Variants in LRP5 observed in about 807,000 individuals in gnomAD.
LRP5 encodes low-density lipoprotein receptor-related protein 5.
In LRP5, 62 loss-of-function variants were observed where a neutral mutation model predicts 154.1. The observed-to-expected ratio is 0.40, with a 90% confidence interval of 0.33 to 0.50. The LOEUF (loss-of-function observed/expected upper bound fraction) is 0.50, where lower values mean the gene tolerates loss of function less well. Ranked by LOEUF, LRP5 falls within the 20% of genes least tolerant of loss-of-function variation. LRP5 has a pLI of 0.55. For missense variants in LRP5, 1,915 were observed against 2,336.7 expected, an observed-to-expected ratio of 0.82 and a Z score of 3.72; for synonymous variants, 966 against 1,011.5, an observed-to-expected ratio of 0.96 and a Z score of 0.85.
At chr11:68,422,730 C>T (rs1565099990) in intron 13 of LRP5, among the ~76,000 whole-genome samples, 1 of 152,006 alleles carries the variant, frequency 6.6e-6, no homozygotes, top group African/African-American at 2.4e-5. Context: ...ATTCCCCACA[C>T]TCACCTGCCC....
upstream of LRP5, among the ~76,000 whole-genome samples, chr11:68,312,249 G>C (rs1394848292): frequency 6.6e-6 from 1 of 152,080 alleles, no homozygotes; most frequent in Non-Finnish European, 1.5e-5. Context: ...CCCTGAAACT[G>C]CCTCGCTGTG....
intron 5 of LRP5, among the ~76,000 whole-genome samples, chr11:68,373,549 G>A (rs570455306): frequency 2.2e-4 from 34 of 152,188 alleles, no homozygotes; most frequent in African/African-American, 6.3e-4. Context: ...AGCCTCTGCC[G>A]CCCAGCGTGG....
intron 1 of LRP5, among the ~76,000 whole-genome samples, chr11:68,346,261 A>G (rs2098612829): frequency 6.6e-6 from 1 of 152,184 alleles, no homozygotes; most frequent in Non-Finnish European, 1.5e-5. Context: ...AGAACTGTAG[A>G]CCTAAGATGA....
intron 7 of LRP5, among the ~76,000 whole-genome samples, chr11:68,396,229 A>G (rs1052803077): frequency 6.6e-6 from 1 of 152,138 alleles, no homozygotes; most frequent in South Asian, 2.1e-4. Flanking sequence ...GGGAGGAGAC[A>G]CATTTGGAAC....
In LRP5 at chr11:68,430,332, C is replaced by T. The variant is rs2098671219; in HGVS notation, c.3763+632C>T. On this transcript the variant is annotated intron_variant, in intron 17 of 22. Transcript: ENST00000294304. ...GGGATTACAGGTGCACGCCACCATA[C>T]CCAGCTAATTTTTGTATTTTTAGTA... is the stretch of plus-strand genomic sequence containing the variant. Among the ~76,000 whole-genome samples, 4 of 152,270 alleles carry T rather than the reference C, an allele frequency of 2.6e-5. No homozygotes were observed. The South Asian group carries it at 8.3e-4, about 32-fold the overall frequency.
At chr11:68,348,357 T>C (rs1476196580) in intron 2 of LRP5, 114 bp downstream of exon 2, 1 of 1,398,556 alleles carries the variant, frequency 7.2e-7, no homozygotes, top group Non-Finnish European at 9.8e-7. Flanking sequence ...ACTCTGAAAA[T>C]GAACCCGTGG....
At position 68,386,708 on chromosome 11, in the gene LRP5, A is replaced by T. The variant is rs776956543; in HGVS notation, c.1408A>T (p.Met470Leu). ...EPRAIALHPV[M>L]GLMYWTDWGE... The stretch of plus-strand genomic sequence containing the variant: ...CCGAGCCATCGCACTGCACCCCGTG[A>T]TGGGGTAAGACGGGCGGGGGCTGGG... Residue 470 changes from methionine (M) to leucine (L), a missense_variant, in exon 6 of 23, where the codon ATG becomes TTG. By Grantham distance (15) the Met-to-Leu change is conservative. This residue lies in a region of LRP5 where 773 missense variants were observed against 1,100.9 expected (regional missense o/e 0.70). Coordinates refer to ENST00000294304, the MANE Select transcript of LRP5 (RefSeq NM_002335.4). This position sits in a 1 kb window ranked among gnomAD's most constrained non-coding sequence, Gnocchi z 7.9. 6.2e-7 allele frequency: 1 copy of T among 1,612,810 alleles called. No individual in the cohort carries two copies. Among genetic ancestry groups the T allele is most frequent in the Non-Finnish European group, 8.5e-7 (1 of 1,179,744 alleles).
intron 5 of LRP5, among the ~76,000 whole-genome samples, chr11:68,370,267 G>A (rs543297649): frequency 2.0e-5 from 3 of 152,242 alleles, no homozygotes; most frequent in East Asian, 1.9e-4. Flanking sequence ...AGGGCATTGC[G>A]CTCCTTCTGC....
intron 13 of LRP5, among the ~76,000 whole-genome samples, chr11:68,422,941 G>A (rs1040870670): frequency 6.6e-6 from 1 of 151,992 alleles, no homozygotes; most frequent in African/African-American, 2.4e-5. Context: ...CCTTCCGTTG[G>A]GGAAGGGGTT....
chr11:68,312,781 TG>T lies in LRP5; in HGVS notation c.68del (p.Cys23SerfsTer60). On this transcript the variant is annotated frameshift_variant, in exon 1 of 23. Coordinates refer to ENST00000294304, the MANE Select transcript of LRP5 (RefSeq NM_002335.4). LOFTEE classifies it high-confidence loss of function. ...GCTGCTGCTGCTGCTGCTGGCGCTG[TG>T]CGGCTGCCCGGCCCCCGCCGCGGGT... is the stretch of plus-strand genomic sequence containing the variant. ...LLLLLLLLAL[C>X]GCPAPAAASP... 9.2e-7 allele frequency: 1 copy of T among 1,083,184 alleles called. No individual in the cohort carries two copies. Among genetic ancestry groups the T allele is most frequent in the Non-Finnish European group, 1.1e-6 (1 of 888,962 alleles). 67.1% of individuals were successfully genotyped at this position (1,083,184 alleles called of 1,614,324 possible).
chr11:68,319,152 C>T (rs2098595287), intron 1 of LRP5, among the ~76,000 whole-genome samples: 1 of 149,164 alleles, frequency 6.7e-6, no homozygotes, highest in African/African-American at 2.5e-5. Flanking sequence ...TCTCGGCTCA[C>T]TGTAACTTCT....
At chr11:68,379,873 T>G (rs1481555275) in intron 5 of LRP5, among the ~76,000 whole-genome samples, 2 of 152,236 alleles carry the variant, frequency 1.3e-5, no homozygotes, top group Non-Finnish European at 2.9e-5. Context: ...GGCTCACGCC[T>G]GTAATCCCAG....
chr11:68,438,373 G>A lies in LRP5; in HGVS notation c.4112-73G>A, dbSNP rs1346148480. The A allele has an allele frequency of 8.7e-6, 12 of 1,371,836 alleles. No homozygotes were observed. The East Asian group carries it at 9.1e-5, about 10-fold the overall frequency. The allele number at this position is 1,371,836 out of a possible 1,614,324, so 85.0% of individuals were successfully genotyped here. ...CAAAGCCAGCCCCTTCAGGGCGCACGGTGTCTGCCCCCAAGGAGGGCCCAT... is the reference window on the plus strand; with the variant it reads ...CAAAGCCAGCCCCTTCAGGGCGCACAGTGTCTGCCCCCAAGGAGGGCCCAT... On this transcript the variant is annotated intron_variant, in intron 19 of 22. Transcript: ENST00000294304.
chr11:68,436,087 C>G (rs766983433), intron 18 of LRP5, among the ~76,000 whole-genome samples: 1 of 152,198 alleles, frequency 6.6e-6, no homozygotes, highest in African/African-American at 2.4e-5. Context: ...GCCCCCTCGT[C>G]CCGCTCTAGC....
At chr11:68,316,057 C>A (rs1591164802) in intron 1 of LRP5, among the ~76,000 whole-genome samples, 1 of 152,142 alleles carries the variant, frequency 6.6e-6, no homozygotes, top group East Asian at 1.9e-4. Context: ...ATTTCCATCA[C>A]CCCAAAATAA....
intron 18 of LRP5, among the ~76,000 whole-genome samples, chr11:68,436,306 G>A (rs1354451140): frequency 1.3e-5 from 2 of 152,016 alleles, no homozygotes; most frequent in Admixed American, 1.3e-4. Flanking sequence ...GGGGGCAGGC[G>A]TGGCTATGGC....
chr11:68,390,158 T>G, intron 7 of LRP5, 106 bp downstream of exon 7: 1 of 1,362,286 alleles, frequency 7.3e-7, no homozygotes, highest in Non-Finnish European at 1.0e-6. Flanking sequence ...TGCTCTGCTA[T>G]TTGGCCACAT....
chr11:68,321,843 G>T (rs918584125), intron 1 of LRP5, among the ~76,000 whole-genome samples: 2 of 152,156 alleles, frequency 1.3e-5, no homozygotes, highest in Non-Finnish European at 2.9e-5. Context: ...GCCTGGCAAA[G>T]CTCTCAGGAA....
At chr11:68,430,732 T>C (rs1351877090) in intron 17 of LRP5, among the ~76,000 whole-genome samples, 1 of 152,190 alleles carries the variant, frequency 6.6e-6, no homozygotes, top group Non-Finnish European at 1.5e-5. Flanking sequence ...GTTCTATCTT[T>C]TTCTCTCCTT....
Sources: gnomAD v4.1 joint callset for allele counts (sites outside exome capture counted in the v4.1 genomes callset) on GRCh38, gnomAD v4.1.1 for gene constraint, gnomAD v4.1.1 regional missense constraint, Gnocchi (gnomAD v3.1) non-coding constraint, MANE v1.5 for transcripts, NCBI Gene and HGNC (gene_info 2026-07-23, HGNC 2026-07-21) for gene names.